AXDND1: variants seen among roughly 807,000 people sequenced by gnomAD.
AXDND1 encodes axonemal dynein light chain domain-containing protein 1.
A neutral mutation model predicts 137.5 loss-of-function variants in AXDND1; 110 were observed. That is an observed-to-expected ratio of 0.80 (90% CI 0.69 to 0.94). AXDND1 has a LOEUF of 0.94. Among genes scored for constraint, AXDND1 ranks in the 40% least tolerant of loss-of-function variants. The pLI, the probability that AXDND1 is intolerant of heterozygous loss-of-function variation, is 0.00. For synonymous variants in AXDND1, 414 were observed against 399.7 expected (o/e 1.04, Z -0.43); for missense variants, 1,191 against 1,169.8 (o/e 1.02, Z -0.26).
intron 25 of AXDND1, among the ~76,000 whole-genome samples, chr1:179,536,974 A>G (rs1317749292): frequency 6.6e-6 from 1 of 152,182 alleles, no homozygotes; most frequent in African/African-American, 2.4e-5. Context: ...CTTTGTAGCA[A>G]TTATAAATGG....
At chr1:179,382,653 C>T in intron 6 of AXDND1, 47 bp from the exon 7 acceptor site, 1 of 1,408,220 alleles carries the variant, frequency 7.1e-7, no homozygotes, top group Non-Finnish European at 1.0e-6. Flanking sequence ...GATAAACAGG[C>T]CAGAAAATTT....
intron 9 of AXDND1, among the ~76,000 whole-genome samples, chr1:179,391,850 G>A (rs1650258160): frequency 6.6e-6 from 1 of 151,984 alleles, no homozygotes. Flanking sequence ...AGATCTGATA[G>A]TTTTATAAAG....
At chr1:179,526,151 C>T (rs550006478) in intron 22 of AXDND1, among the ~76,000 whole-genome samples, 1 of 152,130 alleles carries the variant, frequency 6.6e-6, no homozygotes, top group South Asian at 2.1e-4. Context: ...CCATTCTGAG[C>T]TGCCTTTTGC....
At chr1:179,443,100 T>C (rs559558836) in intron 15 of AXDND1, among the ~76,000 whole-genome samples, 1 of 152,232 alleles carries the variant, frequency 6.6e-6, no homozygotes. Flanking sequence ...ATAGATAACT[T>C]CAAGGAGCCC....
intron 9 of AXDND1, among the ~76,000 whole-genome samples, chr1:179,393,304 C>T (rs771312231): frequency 2.6e-5 from 4 of 152,276 alleles, no homozygotes; most frequent in Non-Finnish European, 4.4e-5. Flanking sequence ...TCTGGATTCT[C>T]TAGTCTGTTC....
At chr1:179,467,603 G>T (rs949327424) in intron 16 of AXDND1, among the ~76,000 whole-genome samples, 7 of 152,122 alleles carry the variant, frequency 4.6e-5, no homozygotes, top group Admixed American at 1.3e-4. Context: ...ATCCATGGGG[G>T]TCCTGAAACC....
rs1650554691 is a variant in AXDND1, at chr1:179,393,679, C to T, written c.864-224C>T. ...GTTTTGTAGTTTTTCTTGTAGAGAT[C>T]TTTCGTCTCCTTGGTTAAGTATATT... On this transcript the variant is annotated intron_variant, in intron 9 of 25. Coordinates refer to ENST00000367618, the MANE Select transcript of AXDND1 (RefSeq NM_144696.6). Among the ~76,000 whole-genome samples the T allele has an allele frequency of 2.0e-5, 3 of 151,976 alleles. No individual in the cohort carries two copies. The South Asian group carries it at 6.3e-4, about 32-fold the overall frequency.
At chr1:179,415,413 G>C (rs1654546364) in intron 12 of AXDND1, among the ~76,000 whole-genome samples, 1 of 152,078 alleles carries the variant, frequency 6.6e-6, no homozygotes, top group Non-Finnish European at 1.5e-5. Flanking sequence ...GTAAATCCCA[G>C]AAGGGAATAA....
intron 16 of AXDND1, chr1:179,447,644 G>A: frequency 7.6e-7 from 1 of 1,309,320 alleles, no homozygotes. Flanking sequence ...ACAACTCGAA[G>A]ATCTGGTTTT....
intron 16 of AXDND1, among the ~76,000 whole-genome samples, chr1:179,461,912 C>T (rs1325347239): frequency 2.0e-5 from 3 of 152,158 alleles, no homozygotes. Context: ...TGAGACTTTG[C>T]TGAAGTTGCT....
intron 16 of AXDND1, among the ~76,000 whole-genome samples, chr1:179,460,029 ATTTCT>A (rs1662084137): frequency 1.7e-5 from 1 of 60,470 alleles, no homozygotes; most frequent in South Asian, 4.1e-4. Flanking sequence ...TCCTTCTTTC[ATTTCT>A]TTTATTTTCT....
intron 11 of AXDND1, among the ~76,000 whole-genome samples, chr1:179,399,231 C>T (rs1042124622): frequency 1.3e-5 from 2 of 152,108 alleles, no homozygotes; most frequent in Non-Finnish European, 2.9e-5. Flanking sequence ...AAAATAGGCA[C>T]GTAGACTAAT....
chr1:179,485,685 C>T (rs1262375271), intron 18 of AXDND1, among the ~76,000 whole-genome samples: 1 of 152,074 alleles, frequency 6.6e-6, no homozygotes, highest in Non-Finnish European at 1.5e-5. Context: ...TGTTTCTTAA[C>T]CAGGCTGACA....
At chr1:179,509,268 C>T (rs2125639014) in intron 20 of AXDND1, 28 bp from the exon 21 acceptor site, 1 of 1,482,744 alleles carries the variant, frequency 6.7e-7, no homozygotes, top group East Asian at 2.3e-5. Context: ...GCTGGTTTTT[C>T]TGCTTGTAAT....
chr1:179,448,948 A>G (rs931555663), intron 16 of AXDND1: 11 of 270,592 alleles, frequency 4.1e-5, no homozygotes, highest in African/African-American at 1.4e-4. Context: ...GTGCAGTGGC[A>G]TGATCTTGTC....
At chr1:179,387,311 C>A (rs930138039) in intron 9 of AXDND1, among the ~76,000 whole-genome samples, 32 of 152,044 alleles carry the variant, frequency 2.1e-4, no homozygotes, top group African/African-American at 7.5e-4. Flanking sequence ...TGGTGAGAAC[C>A]TTCTTGTGGT....
chr1:179,378,585 T>A, intron 4 of AXDND1, 52 bp from the exon 5 acceptor site: 1 of 1,417,700 alleles, frequency 7.1e-7, no homozygotes, highest in Non-Finnish European at 9.6e-7. Context: ...TGCTGTTATG[T>A]GGTATCCAGA....
At chr1:179,491,798 G>A in intron 19 of AXDND1, 61 bp downstream of exon 19, 1 of 1,383,466 alleles carries the variant, frequency 7.2e-7, no homozygotes, top group Non-Finnish European at 9.7e-7. Flanking sequence ...TAACAGAGAA[G>A]AGACAGTGAA....
Position 179,411,157 on chromosome 1 carries a change from A to C in AXDND1, c.1121A>C (p.Glu374Ala). The change falls in exon 12 of 26, where the codon GAA becomes GCA. Residue 374 changes from glutamate to alanine, a missense_variant. By Grantham distance (107) the Glu-to-Ala change is moderately radical. Transcript: ENST00000367618. ...AATTGTTTTTATAGAATAGTAGAAG[A>C]ATATCATGACTTATATACATTACAA... ...NAEKNAKIVE[E>A]YHDLYTLQRE... The C allele has an allele frequency of 3.2e-6, 5 of 1,577,208 alleles. No individual in the cohort carries two copies. The highest frequency in any genetic ancestry group is 4.3e-6 in the Non-Finnish European group (5 of 1,161,780).
Sources: allele counts gnomAD v4.1 joint callset (sites outside exome capture counted in the v4.1 genomes callset), GRCh38; gene constraint gnomAD v4.1.1; transcripts MANE v1.5; gene names NCBI Gene and HGNC (gene_info 2026-07-23, HGNC 2026-07-21).